ST3GAL3: variants seen among roughly 807,000 people sequenced by gnomAD.
ST3GAL3 encodes the protein ST3 beta-galactoside alpha-2,3-sialyltransferase 3.
Under a neutral mutation model 50.1 loss-of-function variants are expected in ST3GAL3, and 21 were observed. The observed-to-expected ratio is 0.42, with a 90% confidence interval of 0.30 to 0.60. The LOEUF is 0.60. Among genes scored for constraint, ST3GAL3 ranks in the 20% least tolerant of loss-of-function variants. ST3GAL3 has a pLI of 0.19. For synonymous variants in ST3GAL3, 183 were observed against 190.0 expected, an observed-to-expected ratio of 0.96 and a Z score of 0.30; for missense variants, 353 against 489.4, an observed-to-expected ratio of 0.72 and a Z score of 2.63.
intron 5 of ST3GAL3, chr1:43,851,601 G>T: frequency 7.4e-7 from 1 of 1,343,470 alleles, no homozygotes; most frequent in Non-Finnish European, 1.1e-6. Flanking sequence ...CTCCAATCCA[G>T]CCCTCTGCCG....
At chr1:43,916,022 G>A (rs1401352001) in intron 9 of ST3GAL3, among the ~76,000 whole-genome samples, 1 of 152,200 alleles carries the variant, frequency 6.6e-6, no homozygotes, top group Non-Finnish European at 1.5e-5. Flanking sequence ...AGGAGGCTGA[G>A]GCAGGAGAAT....
intron 5 of ST3GAL3, among the ~76,000 whole-genome samples, chr1:43,882,988 C>T (rs1410409215): frequency 4.8e-5 from 4 of 83,260 alleles, no homozygotes; most frequent in Non-Finnish European, 9.9e-5. Flanking sequence ...TAGAGACAGG[C>T]TCTCACTCTG....
chr1:43,813,942 A>G (rs965266915), intron 3 of ST3GAL3, among the ~76,000 whole-genome samples: 40 of 150,876 alleles, frequency 2.7e-4, no homozygotes, highest in African/African-American at 9.5e-4. Flanking sequence ...CACTGCAACT[A>G]TGGAGCAGAG....
chr1:43,707,765 C>T (rs1023066997), intron 1 of ST3GAL3, 72 bp downstream of exon 1: 5 of 152,030 alleles, frequency 3.3e-5, no homozygotes, highest in Non-Finnish European at 5.9e-5. Context: ...CCGCCCCGCC[C>T]CTCCCCCGCC....
intron 2 of ST3GAL3, among the ~76,000 whole-genome samples, chr1:43,779,772 T>C (rs1698745910): frequency 6.6e-6 from 1 of 152,248 alleles, no homozygotes; most frequent in South Asian, 2.1e-4. Context: ...GGTTTTTCAT[T>C]GTATGTTTTG....
At chr1:43,730,116 T>C (rs1396092790) in intron 1 of ST3GAL3, among the ~76,000 whole-genome samples, 1 of 152,248 alleles carries the variant, frequency 6.6e-6, no homozygotes, top group Non-Finnish European at 1.5e-5. Flanking sequence ...TGTCTACTTT[T>C]GGAAATCAGT....
intron 5 of ST3GAL3, among the ~76,000 whole-genome samples, chr1:43,844,671 G>A (rs958965236): frequency 1.3e-5 from 2 of 152,100 alleles, no homozygotes; most frequent in African/African-American, 2.4e-5. Flanking sequence ...AATTAGCCGG[G>A]CGTGGTGGCG....
intron 1 of ST3GAL3, among the ~76,000 whole-genome samples, chr1:43,734,626 A>G (rs974663822): frequency 1.3e-5 from 2 of 151,784 alleles, no homozygotes; most frequent in African/African-American, 4.8e-5. Flanking sequence ...ACATTTTCTA[A>G]TTGGTTATTG....
intron 9 of ST3GAL3, among the ~76,000 whole-genome samples, chr1:43,910,421 A>G (rs2080602442): frequency 6.6e-6 from 1 of 152,222 alleles, no homozygotes; most frequent in South Asian, 2.1e-4. Context: ...CATCTATAAA[A>G]TGGAAATCAT....
intron 3 of ST3GAL3, among the ~76,000 whole-genome samples, chr1:43,796,001 C>T (rs1015790069): frequency 6.6e-6 from 1 of 152,288 alleles, no homozygotes; most frequent in East Asian, 1.9e-4. Flanking sequence ...GGGAAAAGGG[C>T]TCCCAAGGCT....
In ST3GAL3 at chr1:43,880,159, T is replaced by C. The variant is rs573762350; in HGVS notation, c.303-14224T>C. Among the ~76,000 whole-genome samples the C allele has an allele frequency of 3.3e-4, 50 of 152,336 alleles. No individual in the cohort carries two copies. The South Asian group carries it at 1.0e-2, about 30-fold the overall frequency. On this transcript the variant is annotated intron_variant, in intron 5 of 11. Transcript: ENST00000347631. ...ACGGAGCACCTGCTGTGTACTTGGC[T>C]GAGAGCTAGGGGTGCCACAAAGTCT...
At chr1:43,878,316 C>T (rs763285617) in intron 5 of ST3GAL3, among the ~76,000 whole-genome samples, 1 of 152,138 alleles carries the variant, frequency 6.6e-6, no homozygotes, top group East Asian at 1.9e-4. Flanking sequence ...AGTGTACATC[C>T]TACCAGAAAA....
At chr1:43,907,411 T>C (rs905470131) in intron 9 of ST3GAL3, among the ~76,000 whole-genome samples, 1 of 152,138 alleles carries the variant, frequency 6.6e-6, no homozygotes, top group African/African-American at 2.4e-5. Flanking sequence ...TAACACATGG[T>C]GTCACCTTAG....
At chr1:43,816,513 A>G (rs114423493) in intron 4 of ST3GAL3, among the ~76,000 whole-genome samples, 317 of 152,324 alleles carry the variant, frequency 2.1e-3, no homozygotes, top group African/African-American at 7.3e-3. Context: ...TCTGGAAAAA[A>G]ACAAATCAAG....
chr1:43,797,127 G>A (rs2058764586), intron 3 of ST3GAL3, among the ~76,000 whole-genome samples: 1 of 152,194 alleles, frequency 6.6e-6, no homozygotes, highest in Non-Finnish European at 1.5e-5. Flanking sequence ...ATTCAAGGCT[G>A]CAGTTAGCTA....
chr1:43,858,298 T>C, intron 5 of ST3GAL3: 1 of 1,279,154 alleles, frequency 7.8e-7, no homozygotes, highest in Non-Finnish European at 1.0e-6. Flanking sequence ...GCCTGAACTA[T>C]GCTGGGAAAG....
At chr1:43,857,571 CTTT>C (rs2068755109) in intron 5 of ST3GAL3, among the ~76,000 whole-genome samples, 1 of 88,000 alleles carries the variant, frequency 1.1e-5, no homozygotes, top group Non-Finnish European at 2.5e-5. Context: ...TTCCTTCTTT[CTTT>C]CCTTCCTCCC....
In ST3GAL3 at chr1:43,750,115, G is replaced by A. The variant is rs544643257; in HGVS notation, c.118+13735G>A. Among the ~76,000 whole-genome samples, 4 of 152,174 alleles carry A rather than the reference G, an allele frequency of 2.6e-5. No homozygotes were observed. The South Asian group carries it at 6.2e-4, about 24-fold the overall frequency. The stretch of plus-strand genomic sequence containing the variant: ...CTCAAAAGATTCATCATCATTAGAC[G>A]TCAGGGAAAGCAAATTAAAACCTCA... On this transcript the variant is annotated intron_variant, in intron 2 of 11. Coordinates refer to ENST00000347631, the MANE Select transcript of ST3GAL3 (RefSeq NM_006279.5).
In ST3GAL3 at chr1:43,926,001, C is replaced by A. The variant is rs182345495; in HGVS notation, c.1039-4131C>A. ...AACAGTGAGTAGACGGCACCTACATCTGTGGTTAGAGACCACAGATGTTGC... is the reference window on the plus strand; with the variant it reads ...AACAGTGAGTAGACGGCACCTACATATGTGGTTAGAGACCACAGATGTTGC... On this transcript the variant is annotated intron_variant, in intron 11 of 11. Transcript: ENST00000347631. 4.7e-4 allele frequency among the ~76,000 whole-genome samples: 71 copies of A among 152,278 alleles called. No individual in the cohort carries two copies. The East Asian group carries it at 0.013, about 27-fold the overall frequency.
Sources: allele counts gnomAD v4.1 joint callset (sites outside exome capture counted in the v4.1 genomes callset), GRCh38; gene constraint gnomAD v4.1.1; transcripts MANE v1.5; gene names NCBI Gene and HGNC (gene_info 2026-07-23, HGNC 2026-07-21).